PMFBP1: variants seen among roughly 807,000 people sequenced by gnomAD.
PMFBP1 encodes the protein polyamine modulated factor 1 binding protein 1.
In PMFBP1, 131 loss-of-function variants were observed where a neutral mutation model predicts 137.8. That is an observed-to-expected ratio of 0.95 (90% CI 0.82 to 1.10). The LOEUF (loss-of-function observed/expected upper bound fraction) is 1.10. Among genes scored for constraint, PMFBP1 ranks in the 50% least tolerant of loss-of-function variants. The pLI is 0.00. For synonymous variants in PMFBP1, 490 were observed against 450.4 expected (o/e 1.09, Z -1.11); for missense variants, 1,199 against 1,175.4 (o/e 1.02, Z -0.29).
At chr16:72,221,750 G>A in the PMFBP1 span, among the ~76,000 whole-genome samples, 1 of 152,174 alleles carries the variant, frequency 6.6e-6, no homozygotes, top group Non-Finnish European at 1.5e-5. Context: ...AGTAAAGCTG[G>A]CATTGAGACA....
At chr16:72,239,901 G>GAAA in the PMFBP1 span, among the ~76,000 whole-genome samples, 11 of 87,786 alleles carry the variant, frequency 1.3e-4, no homozygotes, top group South Asian at 3.7e-4. Context: ...AAAAAAAAAA[G>GAAA]AAAAAAAAAA....
chr16:72,193,802 C>T, the PMFBP1 span, among the ~76,000 whole-genome samples: 1 of 151,870 alleles, frequency 6.6e-6, no homozygotes, highest in African/African-American at 2.4e-5. Context: ...ATCTGTATTA[C>T]CCCAATCATA....
At chr16:72,122,665 TGAGA>T (rs1463675916) in intron 19 of PMFBP1, among the ~76,000 whole-genome samples, 1 of 152,160 alleles carries the variant, frequency 6.6e-6, no homozygotes, top group Admixed American at 6.5e-5. Context: ...CTGAGAACCA[TGAGA>T]GCAGGAAGGA....
At chr16:72,136,942 G>T in intron 7 of PMFBP1, 123 bp from the exon 8 acceptor site, 1 of 1,320,600 alleles carries the variant, frequency 7.6e-7, no homozygotes, top group South Asian at 1.4e-5. Context: ...TGGCTGCTGG[G>T]GGCCAGGGGA....
At chr16:72,141,742 G>A (rs9934521) in intron 5 of PMFBP1, among the ~76,000 whole-genome samples, 5,837 of 150,472 alleles carry the variant, frequency 0.039, 358 homozygotes, top group African/African-American at 0.14. Context: ...GAATACTTTT[G>A]TACATAAATC....
At chr16:72,199,228 T>C in the PMFBP1 span, among the ~76,000 whole-genome samples, 4 of 152,198 alleles carry the variant, frequency 2.6e-5, no homozygotes, top group Non-Finnish European at 5.9e-5. Context: ...AGCCTTTGCA[T>C]GGCCCTAGCC....
At chr16:72,141,702 A>AT (rs946740051) in intron 5 of PMFBP1, among the ~76,000 whole-genome samples, 54 of 147,268 alleles carry the variant, frequency 3.7e-4, no homozygotes, top group East Asian at 5.9e-4. Flanking sequence ...TTGTTTCCAT[A>AT]TTTTTTTTTT....
chr16:72,133,103 T>C (rs751411509), intron 9 of PMFBP1, 112 bp from the exon 10 acceptor site: 40 of 1,321,632 alleles, frequency 3.0e-5, no homozygotes, highest in Non-Finnish European at 3.8e-5. Context: ...TGCCTGGACA[T>C]TGCACGAACC....
At chr16:72,181,503 G>T (rs1447947857), upstream of PMFBP1, among the ~76,000 whole-genome samples, 1 of 152,026 alleles carries the variant, frequency 6.6e-6, no homozygotes, top group Non-Finnish European at 1.5e-5. Context: ...CAAACATTGG[G>T]TCCCAATCCA....
chr16:72,232,537 T>A, the PMFBP1 span, among the ~76,000 whole-genome samples: 3 of 152,196 alleles, frequency 2.0e-5, no homozygotes, highest in African/African-American at 7.2e-5. Flanking sequence ...TGTTTACAGA[T>A]AAGCTGTCCT....
chr16:72,133,207 C>CA (rs1567625189), intron 9 of PMFBP1, among the ~76,000 whole-genome samples: 1 of 152,056 alleles, frequency 6.6e-6, no homozygotes, highest in Non-Finnish European at 1.5e-5. Context: ...GTTTTTGAGA[C>CA]AGAGTCTCTC....
the PMFBP1 span, among the ~76,000 whole-genome samples, chr16:72,234,312 G>A: frequency 6.6e-6 from 1 of 152,122 alleles, no homozygotes; most frequent in Non-Finnish European, 1.5e-5. Flanking sequence ...AACTATCTGG[G>A]ACTTGTGATT....
intron 5 of PMFBP1, among the ~76,000 whole-genome samples, chr16:72,146,795 T>C (rs1207260984): frequency 4.6e-5 from 7 of 151,872 alleles, no homozygotes; most frequent in Admixed American, 1.3e-4. Context: ...GAGAATAAAA[T>C]ACCTAGGAAT....
intron 3 of PMFBP1, among the ~76,000 whole-genome samples, chr16:72,161,339 C>A (rs571858915): frequency 2.7e-4 from 41 of 152,040 alleles, no homozygotes; most frequent in African/African-American, 8.2e-4. Flanking sequence ...CTCAGGTGAT[C>A]CACCCGCCTC....
chr16:72,121,225 C>T (rs1252327853), intron 19 of PMFBP1, among the ~76,000 whole-genome samples: 1 of 152,156 alleles, frequency 6.6e-6, no homozygotes, highest in Non-Finnish European at 1.5e-5. Flanking sequence ...ATGCTCTACC[C>T]TTTTGCTCTC....
upstream of PMFBP1, among the ~76,000 whole-genome samples, chr16:72,181,408 C>T (rs1171697170): frequency 6.6e-6 from 1 of 152,046 alleles, no homozygotes; most frequent in Non-Finnish European, 1.5e-5. Flanking sequence ...TAAAAAAGTT[C>T]TTAGCTATCT....
At chr16:72,150,510 A>G in intron 5 of PMFBP1, 98 bp downstream of exon 5, 1 of 1,169,692 alleles carries the variant, frequency 8.5e-7, no homozygotes. Context: ...ATCTGGGTAA[A>G]GGTTTGGGTT....
chr16:72,245,932 G>A, the PMFBP1 span, among the ~76,000 whole-genome samples: 2 of 152,112 alleles, frequency 1.3e-5, no homozygotes, highest in South Asian at 4.1e-4. Flanking sequence ...TAGCCATTAT[G>A]GATCAAAACT....
At chr16:72,203,665 G>A in the PMFBP1 span, among the ~76,000 whole-genome samples, 1 of 152,138 alleles carries the variant, frequency 6.6e-6, no homozygotes, top group Non-Finnish European at 1.5e-5. Context: ...GATCTTGGTG[G>A]CTTCCTGATC....
Sources: allele counts gnomAD v4.1 joint callset (sites outside exome capture counted in the v4.1 genomes callset), GRCh38; gene constraint gnomAD v4.1.1; transcripts MANE v1.5; gene names NCBI Gene and HGNC (gene_info 2026-07-23, HGNC 2026-07-21).